The following LIPA variants were observed in gnomAD, a reference collection of about 807,000 sequenced individuals.
The protein encoded by LIPA is lipase A, lysosomal acid type, also known as lysosomal acid lipase/cholesteryl ester hydrolase.
Under a neutral mutation model 40.6 loss-of-function variants are expected in LIPA, and 26 were observed. That is an observed-to-expected ratio of 0.64 (90% CI 0.47 to 0.89). LIPA has a LOEUF of 0.89. LIPA is among the 40% of genes least tolerant of loss of function. The pLI is 0.00. For missense variants in LIPA, 455 were observed against 479.6 expected, an observed-to-expected ratio of 0.95 and a Z score of 0.48; for synonymous variants, 188 against 168.4, an observed-to-expected ratio of 1.12 and a Z score of -0.90.
intron 1 of LIPA, chr10:89,342,366 G>T (rs1843879809): frequency 1.3e-5 from 2 of 152,142 alleles, no homozygotes; most frequent in Non-Finnish European, 2.9e-5. Flanking sequence ...GGACCTACTT[G>T]CTTCCTTACA....
intron 8 of LIPA, among the ~76,000 whole-genome samples, chr10:89,217,097 G>T (rs865833184): frequency 1.2e-4 from 19 of 152,272 alleles, no homozygotes; most frequent in Middle Eastern, 3.4e-3. Flanking sequence ...CAAATTAAAT[G>T]TATGTCAAAA....
In LIPA at chr10:89,268,630, T is replaced by C. The variant is rs181952839; in HGVS notation, c.-1-20981A>G. Reference sequence around the variant, plus strand: ...AGAAATCTAAATATGTCATTCAGTATTTTTTGAAATCATTTTTAATGGTTG... The same window carrying C: ...AGAAATCTAAATATGTCATTCAGTACTTTTTGAAATCATTTTTAATGGTTG... On this transcript the variant is annotated intron_variant, in intron 1 of 5. Transcript: ENST00000282673. Among the ~76,000 whole-genome samples, 3 of 152,338 alleles carry C rather than the reference T, an allele frequency of 2.0e-5. No homozygotes were observed. In the East Asian group the frequency reaches 5.8e-4, roughly 29 times the overall value.
intron 5 of LIPA, 35 bp downstream of exon 5, chr10:89,226,860 T>C (rs1309467960): frequency 1.6e-6 from 2 of 1,221,930 alleles, no homozygotes; most frequent in Non-Finnish European, 2.4e-6. Flanking sequence ...TAATGAAGAA[T>C]TTATATCAAC....
intron 3 of LIPA, among the ~76,000 whole-genome samples, chr10:89,243,765 G>A (rs533691587): frequency 5.9e-5 from 9 of 152,146 alleles, no homozygotes; most frequent in Non-Finnish European, 1.2e-4. Flanking sequence ...ATACACACAG[G>A]TAGGGCATGT....
At chr10:89,346,819 T>C (rs1564796877), upstream of LIPA, among the ~76,000 whole-genome samples, 2 of 152,194 alleles carry the variant, frequency 1.3e-5, no homozygotes, top group Non-Finnish European at 2.9e-5. Context: ...ATGCGCATGA[T>C]GGCTGAGGAA....
At chr10:89,290,374 T>C (rs965098873) in intron 1 of LIPA, among the ~76,000 whole-genome samples, 4 of 152,118 alleles carry the variant, frequency 2.6e-5, no homozygotes, top group African/African-American at 9.7e-5. Flanking sequence ...GCTTAATCTC[T>C]CCCACTCTAG....
Position 89,222,523 on chromosome 10 carries a change from T to C in LIPA, c.882A>G (p.Leu294=). ...CTGGAATGCCTACCTGGCTCCAGTG[T>C]AACATGTTTTGCACAGAAGTTCCAG... is the stretch of plus-strand genomic sequence containing the variant. The part of the protein sequence containing the change: ...SPAGTSVQNM[L]HWSQAVKFQK... The change falls in exon 8 of 10, where the codon TTA becomes TTG. Residue 294 remains leucine (L), a synonymous_variant. Coordinates refer to ENST00000336233, the MANE Select transcript of LIPA (RefSeq NM_000235.4). 2 of 1,609,156 alleles carry C rather than the reference T, an allele frequency of 1.2e-6. No individual in the cohort carries two copies. Among genetic ancestry groups the C allele is most frequent in the South Asian group, 2.2e-5 (2 of 90,990 alleles).
At position 89,245,671 on chromosome 10, in the gene LIPA, C is replaced by T; in HGVS notation, c.229+5G>A. ...TGGTTTTTACTTTTAAGAGCCTTCC[C>T]ATACCTTTGTCAGAATGGTTCTTCC... On this transcript the variant is annotated splice_donor_5th_base_variant and intron_variant, in intron 3 of 9. Transcript: ENST00000336233. The T allele has an allele frequency of 6.9e-7, 1 of 1,444,596 alleles. No homozygotes were observed. The highest frequency in any genetic ancestry group is 9.7e-7 in the Non-Finnish European group (1 of 1,025,904). 89.5% of individuals were successfully genotyped at this position (1,444,596 alleles called of 1,614,324 possible).
intron 1 of LIPA, among the ~76,000 whole-genome samples, chr10:89,342,035 A>G (rs775253304): frequency 2.0e-5 from 3 of 152,230 alleles, no homozygotes; most frequent in African/African-American, 4.8e-5. Flanking sequence ...GTATACATAT[A>G]TTAAAACATG....
chr10:89,295,547 A>G (rs1037698337), intron 1 of LIPA, among the ~76,000 whole-genome samples: 15 of 152,228 alleles, frequency 9.9e-5, no homozygotes, highest in African/African-American at 3.6e-4. Flanking sequence ...CTATCAGTCT[A>G]GAATGGGGCC....
At chr10:89,274,419 C>T (rs1333735300) in intron 1 of LIPA, among the ~76,000 whole-genome samples, 4 of 152,224 alleles carry the variant, frequency 2.6e-5, no homozygotes, top group East Asian at 3.9e-4. Flanking sequence ...GGTATGTGTA[C>T]GGTGCCTGAG....
At chr10:89,306,458 A>G in intron 1 of LIPA, 1 of 1,614,148 alleles carries the variant, frequency 6.2e-7, no homozygotes, top group South Asian at 1.1e-5. Context: ...TCTGGAAAAG[A>G]AGCCAAAGAA....
At chr10:89,311,861 T>C (rs1471722427) in intron 1 of LIPA, among the ~76,000 whole-genome samples, 3 of 152,164 alleles carry the variant, frequency 2.0e-5, no homozygotes, top group Non-Finnish European at 2.9e-5. Flanking sequence ...GATGAGTGCA[T>C]GCATATATTT....
intron 1 of LIPA, among the ~76,000 whole-genome samples, chr10:89,319,219 G>C (rs577149619): frequency 6.6e-6 from 1 of 152,116 alleles, no homozygotes; most frequent in African/African-American, 2.4e-5. Flanking sequence ...GATCAGAGCA[G>C]AACTGAAGGA....
chr10:89,323,206 T>A (rs1564785852), intron 1 of LIPA, among the ~76,000 whole-genome samples: 3 of 152,166 alleles, frequency 2.0e-5, no homozygotes, highest in Admixed American at 2.0e-4. Context: ...ATCATCTCAA[T>A]AGATACAGAA....
At chr10:89,239,256 G>A (rs1219292289) in intron 3 of LIPA, among the ~76,000 whole-genome samples, 1 of 152,224 alleles carries the variant, frequency 6.6e-6, no homozygotes, top group Non-Finnish European at 1.5e-5. Flanking sequence ...TCTCTAGCCT[G>A]AGAAGAGGGC....
In LIPA at chr10:89,378,283, A is replaced by G. The variant is rs542860104; in HGVS notation, c.61+34508T>C. On this transcript the variant is annotated intron_variant, in intron 2 of 8. Coordinates refer to the LIPA transcript ENST00000371837. ...TCTGACCCTGATAGGCACCCTCAAC[A>G]TGATAACCAAGAAGAGTTTAATAAG... The G allele has an allele frequency of 4.1e-5, 31 of 763,512 alleles. 1 individual carries two copies. In the South Asian group the frequency reaches 4.9e-4, roughly 12 times the overall value. The allele number at this position is 763,512 out of a possible 1,614,324, so 47.3% of individuals were successfully genotyped here.
In LIPA at chr10:89,288,448, C is replaced by T. The variant is rs892830976; in HGVS notation, c.-1-40799G>A. ...TCCCAACCCTTTTCATTACACACAG[C>T]GAAAGTACAGGGCTGTGCAGTCAAA... On this transcript the variant is annotated intron_variant, in intron 1 of 5. Coordinates refer to the LIPA transcript ENST00000282673. Among the ~76,000 whole-genome samples the T allele has an allele frequency of 3.3e-5, 5 of 152,236 alleles. No homozygotes were observed. In the South Asian group the frequency reaches 6.2e-4, roughly 19 times the overall value.
intron 1 of LIPA, among the ~76,000 whole-genome samples, chr10:89,281,959 A>G (rs1843318505): frequency 6.6e-6 from 1 of 152,222 alleles, no homozygotes; most frequent in Non-Finnish European, 1.5e-5. Context: ...TTATGGTACT[A>G]TTAGAGTTTT....
Sources: gnomAD v4.1 joint callset for allele counts (sites outside exome capture counted in the v4.1 genomes callset) on GRCh38, gnomAD v4.1.1 for gene constraint, MANE v1.5 for transcripts, NCBI Gene and HGNC (gene_info 2026-07-23, HGNC 2026-07-21) for gene names.